The following SPATA13 variants were observed in gnomAD, a reference collection of about 807,000 sequenced individuals.
The protein encoded by SPATA13 is spermatogenesis-associated protein 13.
Under a neutral mutation model 104.0 loss-of-function variants are expected in SPATA13, and 50 were observed. The observed-to-expected ratio is 0.48, with a 90% confidence interval of 0.38 to 0.61. The LOEUF is 0.61. Ranked by LOEUF, SPATA13 falls within the 20% of genes least tolerant of loss-of-function variation. SPATA13 has a pLI of 0.00. For missense variants in SPATA13, 1,524 were observed against 1,690.6 expected (o/e 0.90, Z 1.73); for synonymous variants, 606 against 667.5 (o/e 0.91, Z 1.42).
chr13:24,077,373 T>G (rs1305528368), intron 3 of SPATA13, among the ~76,000 whole-genome samples: 1 of 150,534 alleles, frequency 6.6e-6, no homozygotes, highest in Admixed American at 6.6e-5. Flanking sequence ...AAAATTGGGA[T>G]CCATGAGTTG....
Position 24,026,183 on chromosome 13 carries a change from A to G in SPATA13, c.-112+8482A>G, listed in dbSNP as rs559663048. Among the ~76,000 whole-genome samples the G allele has an allele frequency of 9.8e-5, 15 of 152,338 alleles. No homozygotes were observed. The East Asian group carries it at 2.9e-3, about 29-fold the overall frequency. On this transcript the variant is annotated intron_variant, in intron 3 of 14. Transcript: ENST00000424834. ...ATTTTTCATGTCGTTTTATGGTATC[A>G]TGATGAACAGAAGTTCTTAATGTAT... is the stretch of plus-strand genomic sequence containing the variant.
At chr13:24,019,759 T>A (rs1876891910) in intron 3 of SPATA13, among the ~76,000 whole-genome samples, 1 of 152,196 alleles carries the variant, frequency 6.6e-6, no homozygotes, top group South Asian at 2.1e-4. Context: ...CCTAGGCAGC[T>A]TAGGGCTCTG....
At chr13:24,104,584 A>G (rs895323834) in intron 3 of SPATA13, among the ~76,000 whole-genome samples, 1 of 152,170 alleles carries the variant, frequency 6.6e-6, no homozygotes, top group Non-Finnish European at 1.5e-5. Flanking sequence ...ATTCCTTTTC[A>G]TTTACTCCTT....
intron 2 of SPATA13, among the ~76,000 whole-genome samples, chr13:24,236,194 C>T (rs1048429884): frequency 3.3e-5 from 5 of 152,196 alleles, no homozygotes; most frequent in Non-Finnish European, 7.3e-5. Context: ...TGAGGAATCA[C>T]TTAATCTTTC....
chr13:24,123,680 G>T (rs1280310114), intron 3 of SPATA13: 8 of 1,585,542 alleles, frequency 5.0e-6, no homozygotes, highest in Non-Finnish European at 6.1e-6. Context: ...ATATATATTC[G>T]TAAGGGTCTT....
At position 24,088,964 on chromosome 13, in the gene SPATA13, A is replaced by G. The variant is rs1879824686; in HGVS notation, c.-112+71263A>G. 6.6e-6 allele frequency among the ~76,000 whole-genome samples: 1 copy of G among 152,220 alleles called. No homozygotes were observed. Among genetic ancestry groups the G allele is most frequent in the Non-Finnish European group, 1.5e-5 (1 of 68,028 alleles). On this transcript the variant is annotated intron_variant, in intron 3 of 14. Transcript: ENST00000424834. This position sits in a 1 kb window ranked among gnomAD's most constrained non-coding sequence, Gnocchi z 4.3. The stretch of plus-strand genomic sequence containing the variant: ...TGGGTCTGGAGACAGGGATGCGGTC[A>G]TCGACAGCTCTGGGTTTATGACAAA...
intron 3 of SPATA13, among the ~76,000 whole-genome samples, chr13:24,030,395 A>G (rs929600631): frequency 2.0e-5 from 3 of 152,182 alleles, no homozygotes; most frequent in African/African-American, 7.2e-5. Context: ...AGACCAAGAT[A>G]GGTCACTTTC....
In SPATA13 at chr13:24,122,171, G is replaced by T. The variant is rs543599763; in HGVS notation, c.-111-100648G>T. The T allele has an allele frequency of 1.6e-4, 252 of 1,585,636 alleles. 1 individual carries two copies. The highest frequency in any genetic ancestry group is 8.3e-4 in the Middle Eastern group (5 of 6,012). Reference sequence around the variant, plus strand: ...CTCAATCATTTTGGATTCATGGGCTGCTCTTCTTTGATCAGCCAGCATTGC... The same window carrying T: ...CTCAATCATTTTGGATTCATGGGCTTCTCTTCTTTGATCAGCCAGCATTGC... On this transcript the variant is annotated intron_variant, in intron 3 of 14. Transcript: ENST00000424834.
chr13:24,158,869 C>CG (rs1048309560), upstream of SPATA13, among the ~76,000 whole-genome samples: 14 of 152,088 alleles, frequency 9.2e-5, no homozygotes, highest in Non-Finnish European at 1.9e-4. Context: ...CTCAAGGATG[C>CG]GGGGGTCTTC....
At position 24,249,379 on chromosome 13, in the gene SPATA13, C is replaced by T. The variant is rs142023561; in HGVS notation, c.1654-98C>T. On this transcript the variant is annotated intron_variant, in intron 2 of 12. Transcript: ENST00000382108. ...AATAAACAAGTAAATCAAGAAAACC[C>T]GAGGCACGGCTGTGGTGGTGAGAGG... The T allele has an allele frequency of 7.3e-3, 10,115 of 1,394,890 alleles. 58 individuals are homozygous for T. The highest frequency in any genetic ancestry group is 8.0e-3 in the Non-Finnish European group (8,482 of 1,055,264). 86.4% of individuals were successfully genotyped at this position (1,394,890 alleles called of 1,614,324 possible).
In SPATA13 at chr13:24,122,508, A is replaced by T. The variant is rs139343052; in HGVS notation, c.-111-100311A>T. 9.1e-4 allele frequency: 1,468 copies of T among 1,606,516 alleles called. 12 individuals are homozygous for T. The African/African-American group carries it at 0.017, about 19-fold the overall frequency. On this transcript the variant is annotated intron_variant, in intron 3 of 14. Transcript: ENST00000424834. Reference sequence around the variant, plus strand: ...ATTCTTGCCCATCTTCATCAATATCATCTTCATCACTCCCCGGTTCCTCTG... The same window carrying T: ...ATTCTTGCCCATCTTCATCAATATCTTCTTCATCACTCCCCGGTTCCTCTG...
intron 3 of SPATA13, among the ~76,000 whole-genome samples, chr13:24,087,920 G>T (rs1205758394): frequency 1.3e-5 from 2 of 152,214 alleles, no homozygotes; most frequent in African/African-American, 4.8e-5. Context: ...ATTGCTCACT[G>T]GCTGCAGCCC....
intron 1 of SPATA13, among the ~76,000 whole-genome samples, chr13:24,206,015 T>G (rs4770625): frequency 1.3e-5 from 2 of 152,136 alleles, no homozygotes; most frequent in Non-Finnish European, 2.9e-5. Flanking sequence ...GGCATAGGAA[T>G]GAGCAAAGAT....
intron 3 of SPATA13, among the ~76,000 whole-genome samples, chr13:24,076,221 C>T (rs950167892): frequency 2.0e-5 from 3 of 152,148 alleles, no homozygotes; most frequent in African/African-American, 7.2e-5. Flanking sequence ...CATTTAAGAA[C>T]TGCCACAGGT....
intron 2 of SPATA13, among the ~76,000 whole-genome samples, chr13:23,991,300 A>G (rs1875403916): frequency 6.6e-6 from 1 of 152,196 alleles, no homozygotes; most frequent in Non-Finnish European, 1.5e-5. Flanking sequence ...TTTGGGGCTG[A>G]TTCAGGGCAA....
intron 3 of SPATA13, among the ~76,000 whole-genome samples, chr13:24,039,289 C>T (rs1877827793): frequency 6.6e-6 from 1 of 152,228 alleles, no homozygotes; most frequent in African/African-American, 2.4e-5. Flanking sequence ...CCAGCTACTA[C>T]TCAATTTACC....
chr13:24,281,678 C>A (rs535571292), intron 4 of SPATA13, among the ~76,000 whole-genome samples: 1 of 151,086 alleles, frequency 6.6e-6, no homozygotes, highest in African/African-American at 2.4e-5. Context: ...GGGGAAGCAA[C>A]TGGAAAGCCA....
In SPATA13 at chr13:24,028,826, A is replaced by T. The variant is rs370579972; in HGVS notation, c.-112+11125A>T. Among the ~76,000 whole-genome samples the T allele has an allele frequency of 3.2e-4, 49 of 152,164 alleles. 1 individual carries two copies. The highest frequency in any genetic ancestry group is 1.2e-3 in the African/African-American group (48 of 41,530). On this transcript the variant is annotated intron_variant, in intron 3 of 14. Coordinates refer to the SPATA13 transcript ENST00000424834. ...CTTTGAGTTTTTCATTTCAATAATT[A>T]TATTTCTCTATTTTAAAGATTTGTG...
chr13:24,233,419 G>GTGCC (rs1338166393), intron 2 of SPATA13, among the ~76,000 whole-genome samples: 1 of 152,100 alleles, frequency 6.6e-6, no homozygotes, highest in East Asian at 1.9e-4. Flanking sequence ...GAGAATTAAT[G>GTGCC]TGCCTTCTAT....
Sources: gnomAD v4.1 joint callset for allele counts (sites outside exome capture counted in the v4.1 genomes callset) on GRCh38, gnomAD v4.1.1 for gene constraint, Gnocchi (gnomAD v3.1) non-coding constraint, MANE v1.5 for transcripts, NCBI Gene and HGNC (gene_info 2026-07-23, HGNC 2026-07-21) for gene names.